Variants in PIP4K2A observed in about 807,000 individuals in gnomAD.
The protein encoded by PIP4K2A is phosphatidylinositol-5-phosphate 4-kinase type 2 alpha.
PIP4K2A carries 14 observed loss-of-function variants against 42.9 expected under a neutral mutation model. The observed-to-expected ratio is 0.33, with a 90% confidence interval of 0.22 to 0.51. The LOEUF (loss-of-function observed/expected upper bound fraction) is 0.51, where lower values mean the gene tolerates loss of function less well. Among genes scored for constraint, PIP4K2A ranks in the 20% least tolerant of loss-of-function variants. The pLI, the probability that PIP4K2A is intolerant of heterozygous loss-of-function variation, is 0.97. For synonymous variants in PIP4K2A, 192 were observed against 192.2 expected (o/e 1.00, Z 0.01); for missense variants, 434 against 519.8 (o/e 0.83, Z 1.61).
intron 7 of PIP4K2A, among the ~76,000 whole-genome samples, chr10:22,543,288 C>A (rs891209608): frequency 3.3e-5 from 5 of 152,172 alleles, no homozygotes; most frequent in Admixed American, 1.3e-4. Flanking sequence ...CAGCCAGCAC[C>A]CCGCTCAGCC....
chr10:22,677,471 G>A (rs1057175249), intron 1 of PIP4K2A, among the ~76,000 whole-genome samples: 1 of 152,144 alleles, frequency 6.6e-6, no homozygotes, highest in African/African-American at 2.4e-5. Context: ...TTTTACACTG[G>A]GGCACAACTC....
In PIP4K2A at chr10:22,689,603, G is replaced by A. The variant is rs527934888; in HGVS notation, c.144+24580C>T. Among the ~76,000 whole-genome samples, 14 of 152,232 alleles carry A rather than the reference G, an allele frequency of 9.2e-5. No homozygotes were observed. In the South Asian group the frequency reaches 2.9e-3, roughly 32 times the overall value. On this transcript the variant is annotated intron_variant, in intron 1 of 9. Coordinates refer to ENST00000376573, the MANE Select transcript of PIP4K2A (RefSeq NM_005028.5). The stretch of plus-strand genomic sequence containing the variant: ...CAAACATCATGCCATTTTGTATCAG[G>A]GACTTGAGCATCTTCAGGATTTTGG...
intron 1 of PIP4K2A, among the ~76,000 whole-genome samples, chr10:22,680,393 T>C (rs1208456749): frequency 4.6e-5 from 7 of 152,216 alleles, no homozygotes; most frequent in Non-Finnish European, 1.0e-4. Context: ...TCTATCCTTT[T>C]CTAAATCTTC....
At chr10:22,612,831 G>A (rs1009602619) in intron 1 of PIP4K2A, among the ~76,000 whole-genome samples, 36 of 152,124 alleles carry the variant, frequency 2.4e-4, no homozygotes, top group Admixed American at 6.5e-5. Flanking sequence ...TCAATGTCAG[G>A]TAGGCCGTGG....
intron 3 of PIP4K2A, among the ~76,000 whole-genome samples, chr10:22,606,012 A>G (rs1837898666): frequency 6.6e-6 from 1 of 152,164 alleles, no homozygotes; most frequent in South Asian, 2.1e-4. Context: ...TTTCAAGTCC[A>G]TAATTGTGAT....
chr10:22,564,737 T>C (rs1469519132), intron 6 of PIP4K2A, among the ~76,000 whole-genome samples: 1 of 152,210 alleles, frequency 6.6e-6, no homozygotes, highest in Non-Finnish European at 1.5e-5. Context: ...TTCACTGATG[T>C]ACAGTAAAAG....
intron 7 of PIP4K2A, among the ~76,000 whole-genome samples, chr10:22,545,438 C>G (rs906675659): frequency 6.6e-6 from 1 of 152,208 alleles, no homozygotes; most frequent in Non-Finnish European, 1.5e-5. Context: ...CCGCACTCAC[C>G]AGGGTGAGCC....
intron 1 of PIP4K2A, among the ~76,000 whole-genome samples, chr10:22,639,516 G>T (rs976386496): frequency 7.2e-5 from 11 of 151,798 alleles, no homozygotes; most frequent in African/African-American, 2.2e-4. Flanking sequence ...ACTTAAAAAT[G>T]AGTGGGGAAA....
At chr10:22,647,462 G>C (rs1838908338) in intron 1 of PIP4K2A, among the ~76,000 whole-genome samples, 1 of 151,960 alleles carries the variant, frequency 6.6e-6, no homozygotes, top group Non-Finnish European at 1.5e-5. Flanking sequence ...AAGGACCGAG[G>C]TGGAGAAAAA....
intron 4 of PIP4K2A, among the ~76,000 whole-genome samples, chr10:22,583,137 A>T (rs1353049580): frequency 6.6e-6 from 1 of 152,226 alleles, no homozygotes. Flanking sequence ...CTCATAAACA[A>T]CATCATCATT....
intron 1 of PIP4K2A, among the ~76,000 whole-genome samples, chr10:22,682,710 C>T (rs748929149): frequency 1.1e-4 from 17 of 152,318 alleles, no homozygotes; most frequent in Middle Eastern, 6.8e-3. Context: ...ACCTGCCTCA[C>T]TTGTGAATTC....
chr10:22,644,822 A>G (rs1277271665), intron 1 of PIP4K2A, among the ~76,000 whole-genome samples: 1 of 152,248 alleles, frequency 6.6e-6, no homozygotes, highest in Non-Finnish European at 1.5e-5. Context: ...CAGGCCATAA[A>G]TATTCAATAA....
intron 6 of PIP4K2A, among the ~76,000 whole-genome samples, chr10:22,557,329 C>A (rs965903956): frequency 1.6e-4 from 24 of 152,150 alleles, no homozygotes; most frequent in African/African-American, 5.6e-4. Context: ...AAAAGCAACA[C>A]CTAAAAAATT....
At chr10:22,575,642 T>C (rs1837094896) in intron 4 of PIP4K2A, among the ~76,000 whole-genome samples, 1 of 152,048 alleles carries the variant, frequency 6.6e-6, no homozygotes, top group African/African-American at 2.4e-5. Context: ...AAGAGACAGA[T>C]CAAATCTGTC....
intron 1 of PIP4K2A, among the ~76,000 whole-genome samples, chr10:22,615,921 G>A (rs1205372808): frequency 2.0e-5 from 3 of 152,146 alleles, no homozygotes; most frequent in Admixed American, 6.5e-5. Context: ...AGGGCATCCT[G>A]GGAGCGACTT....
chr10:22,706,343 C>A (rs1423201427), intron 1 of PIP4K2A, among the ~76,000 whole-genome samples: 1 of 152,144 alleles, frequency 6.6e-6, no homozygotes, highest in Non-Finnish European at 1.5e-5. Context: ...CCACTATATC[C>A]CCCTCTTGCT....
Position 22,664,229 on chromosome 10 carries a change from A to ACG in PIP4K2A, c.144+49953_144+49954insCG, listed in dbSNP as rs1491547223. 6.5e-4 allele frequency among the ~76,000 whole-genome samples: 10 copies of ACG among 15,452 alleles called. 2 individuals are homozygous for ACG. In the East Asian group the frequency reaches 0.063, roughly 98 times the overall value. 10.1% of individuals were successfully genotyped at this position (15,452 alleles called of 152,430 possible). A position where few individuals can be genotyped will look rare whatever the true frequency, so the allele number is the denominator to read the frequency against. On this transcript the variant is annotated intron_variant, in intron 1 of 9. Coordinates refer to ENST00000376573, the MANE Select transcript of PIP4K2A (RefSeq NM_005028.5). ...CATATATATATATACATATATATAT[A>ACG]CACACACACACACACACACACATAT...
chr10:22,673,764 CT>C (rs1487597014), intron 1 of PIP4K2A, among the ~76,000 whole-genome samples: 1 of 152,196 alleles, frequency 6.6e-6, no homozygotes, highest in African/African-American at 2.4e-5. Context: ...AACAAAATGA[CT>C]GACAGTCCTT....
At chr10:22,549,558 T>C (rs1261286756) in intron 7 of PIP4K2A, among the ~76,000 whole-genome samples, 3 of 152,028 alleles carry the variant, frequency 2.0e-5, no homozygotes, top group African/African-American at 7.2e-5. Flanking sequence ...TAACCTTTTT[T>C]TGGCCGGGCT....
Sources: allele counts gnomAD v4.1 joint callset (sites outside exome capture counted in the v4.1 genomes callset), GRCh38; gene constraint gnomAD v4.1.1; transcripts MANE v1.5; gene names NCBI Gene and HGNC (gene_info 2026-07-23, HGNC 2026-07-21).